The following PCDH15 variants were observed in gnomAD, a reference collection of about 807,000 sequenced individuals.
The protein encoded by PCDH15 is protocadherin-15.
Under a neutral mutation model 178.5 loss-of-function variants are expected in PCDH15, and 129 were observed. The ratio of observed to expected loss-of-function variants is 0.72; its 90% confidence interval spans 0.63 to 0.84. The LOEUF (loss-of-function observed/expected upper bound fraction) is 0.84. Among genes scored for constraint, PCDH15 ranks in the 40% least tolerant of loss-of-function variants. PCDH15 has a pLI of 0.00. For synonymous variants in PCDH15, 800 were observed against 732.0 expected (o/e 1.09, Z -1.50); for missense variants, 2,230 against 2,099.9 (o/e 1.06, Z -1.21).
chr10:54,890,498 T>C (rs1188126017), intron 3 of PCDH15, among the ~76,000 whole-genome samples: 2 of 152,048 alleles, frequency 1.3e-5, no homozygotes, highest in South Asian at 2.1e-4. Context: ...ACACATACTA[T>C]GTGAGATTTT....
intron 2 of PCDH15, among the ~76,000 whole-genome samples, chr10:55,533,320 T>C (rs1006191203): frequency 6.6e-6 from 1 of 152,054 alleles, no homozygotes; most frequent in African/African-American, 2.4e-5. Context: ...TTATTGCATA[T>C]CTAGAAAACT....
chr10:54,546,069 T>A (rs767739245), intron 2 of PCDH15, among the ~76,000 whole-genome samples: 4 of 152,184 alleles, frequency 2.6e-5, no homozygotes, highest in Non-Finnish European at 5.9e-5. Flanking sequence ...GTTGCCATGA[T>A]GGGGATTGTA....
intron 23 of PCDH15, 131 bp downstream of exon 23, chr10:53,959,601 T>G: frequency 1.5e-6 from 1 of 669,000 alleles, no homozygotes; most frequent in Non-Finnish European, 2.7e-6. Flanking sequence ...CTATATTTTA[T>G]GTTAATTTAG....
In PCDH15 at chr10:55,421,628, T is replaced by C. The variant is rs181935751; in HGVS notation, c.-156+205997A>G. Among the ~76,000 whole-genome samples the C allele has an allele frequency of 1.5e-3, 231 of 151,338 alleles. 1 individual carries two copies. Among genetic ancestry groups the C allele is most frequent in the African/African-American group, 5.1e-3 (212 of 41,428 alleles). On this transcript the variant is annotated intron_variant, in intron 2 of 5. Coordinates refer to the PCDH15 transcript ENST00000613346. ...TGACTCACTGCTAGAGAAACTGATA[T>C]GTTAATGAACATCATTTTATTAACA...
At chr10:54,752,959 C>T (rs1024941956) in intron 1 of PCDH15, among the ~76,000 whole-genome samples, 4 of 152,134 alleles carry the variant, frequency 2.6e-5, no homozygotes, top group South Asian at 2.1e-4. Flanking sequence ...ATCTTTAAAA[C>T]TCCATGATCT....
intron 2 of PCDH15, among the ~76,000 whole-genome samples, chr10:55,150,254 C>T (rs1416011774): frequency 6.6e-6 from 1 of 151,946 alleles, no homozygotes; most frequent in Non-Finnish European, 1.5e-5. Flanking sequence ...TCAGGAAAAA[C>T]AAAACATGTT....
chr10:54,269,173 T>A (rs1268039245), intron 8 of PCDH15, among the ~76,000 whole-genome samples: 1 of 152,010 alleles, frequency 6.6e-6, no homozygotes, highest in Non-Finnish European at 1.5e-5. Flanking sequence ...AGGCTGCATA[T>A]GTTCAGCTTT....
At chr10:55,031,073 C>T (rs1474359956) in intron 2 of PCDH15, among the ~76,000 whole-genome samples, 1 of 151,878 alleles carries the variant, frequency 6.6e-6, no homozygotes, top group Non-Finnish European at 1.5e-5. Flanking sequence ...GTCCTTTATC[C>T]CAAACAAATT....
chr10:54,026,608 T>C lies in PCDH15; in HGVS notation c.2221-3411A>G, dbSNP rs529906166. ...ATTTGATGCTTATGGAAAAAAAGAC[T>C]ACAATATCTTTGGCTCTGTTTATAT... On this transcript the variant is annotated intron_variant, in intron 18 of 37. Transcript: ENST00000644397. Among the ~76,000 whole-genome samples the C allele has an allele frequency of 3.3e-5, 5 of 152,318 alleles. No individual in the cohort carries two copies. In the South Asian group the frequency reaches 1.0e-3, roughly 32 times the overall value.
chr10:54,015,466 A>C (rs977858974), intron 20 of PCDH15, among the ~76,000 whole-genome samples: 1 of 152,170 alleles, frequency 6.6e-6, no homozygotes, highest in Non-Finnish European at 1.5e-5. Flanking sequence ...AAAAAGAAAA[A>C]AGCTGAAGAT....
At chr10:55,067,682 G>A (rs1459643300) in intron 2 of PCDH15, among the ~76,000 whole-genome samples, 1 of 149,372 alleles carries the variant, frequency 6.7e-6, no homozygotes, top group South Asian at 2.1e-4. Flanking sequence ...TTCTATGGTG[G>A]TTGTACTAAT....
intron 2 of PCDH15, among the ~76,000 whole-genome samples, chr10:54,622,912 A>G (rs1382032271): frequency 1.3e-5 from 2 of 148,206 alleles, no homozygotes; most frequent in East Asian, 4.0e-4. Flanking sequence ...GTTTCAAAGC[A>G]GATTCTTTAT....
chr10:55,200,755 T>A (rs1840222745), intron 1 of PCDH15, among the ~76,000 whole-genome samples: 1 of 152,048 alleles, frequency 6.6e-6, no homozygotes, highest in Non-Finnish European at 1.5e-5. Flanking sequence ...GCTGTTCTGA[T>A]GAGAGTGAGT....
chr10:54,835,778 T>G (rs890926798), intron 3 of PCDH15, among the ~76,000 whole-genome samples: 2 of 152,172 alleles, frequency 1.3e-5, no homozygotes, highest in African/African-American at 4.8e-5. Flanking sequence ...TAAAATCACA[T>G]AGCAGGAAAT....
chr10:55,435,786 G>A (rs973847418), intron 2 of PCDH15, among the ~76,000 whole-genome samples: 1 of 152,026 alleles, frequency 6.6e-6, no homozygotes, highest in Non-Finnish European at 1.5e-5. Flanking sequence ...ATAGTACATT[G>A]GCAGAGAAGT....
intron 1 of PCDH15, among the ~76,000 whole-genome samples, chr10:55,269,353 A>G (rs1245963103): frequency 1.3e-5 from 2 of 152,104 alleles, no homozygotes; most frequent in Non-Finnish European, 2.9e-5. Context: ...TCTCTTCACT[A>G]AACATTTGAC....
intron 2 of PCDH15, among the ~76,000 whole-genome samples, chr10:55,350,533 A>C (rs1227528398): frequency 6.6e-6 from 1 of 151,964 alleles, no homozygotes; most frequent in Non-Finnish European, 1.5e-5. Context: ...AAGGAGAATG[A>C]AGTGATGAAG....
intron 3 of PCDH15, among the ~76,000 whole-genome samples, chr10:54,488,054 A>G (rs532526571): frequency 6.6e-6 from 1 of 151,914 alleles, no homozygotes; most frequent in Admixed American, 6.6e-5. Flanking sequence ...GAGAACAGCA[A>G]AAGATAATTA....
chr10:55,431,582 T>C (rs1313080128), intron 2 of PCDH15, among the ~76,000 whole-genome samples: 1 of 152,158 alleles, frequency 6.6e-6, no homozygotes, highest in South Asian at 2.1e-4. Context: ...CTGTTAAATC[T>C]AAGTATTTTC....
Sources: allele counts gnomAD v4.1 joint callset (sites outside exome capture counted in the v4.1 genomes callset), GRCh38; gene constraint gnomAD v4.1.1; transcripts MANE v1.5; gene names NCBI Gene and HGNC (gene_info 2026-07-23, HGNC 2026-07-21).